USP34: variants seen among roughly 807,000 people sequenced by gnomAD.
USP34 encodes ubiquitin specific peptidase 34.
A neutral mutation model predicts 460.3 loss-of-function variants in USP34; 70 were observed. The observed-to-expected ratio is 0.15, with a 90% CI of 0.13 to 0.19. USP34 has a LOEUF of 0.19. USP34 is among the 10% of genes least tolerant of loss of function. The pLI is 1.00. For missense variants in USP34, 3,985 were observed against 4,236.2 expected (o/e 0.94, Z 1.65); for synonymous variants, 1,647 against 1,405.3 (o/e 1.17, Z -3.85).
intron 1 of USP34, among the ~76,000 whole-genome samples, chr2:61,456,817 C>G (rs1695454499): frequency 2.0e-5 from 3 of 150,866 alleles, no homozygotes. Context: ...ATAAAAAACA[C>G]CAAAACGAAA....
rs1021020111 is a variant in USP34 at position 61,471,048 on chromosome 2, C to G, written c.-356G>C. ...TTCACCGACCAGACGCCGCGGCCAC[C>G]GCCGACGCCGCCGCCATTTTAACAG... On this transcript the variant is annotated 5_prime_UTR_variant, in exon 1 of 80. Transcript: ENST00000398571. 1.3e-4 allele frequency: 30 copies of G among 232,746 alleles called. 1 individual carries two copies. The highest frequency in any genetic ancestry group is 2.1e-4 in the Non-Finnish European group (25 of 119,160). The allele number at this position is 232,746 out of a possible 1,614,324, so 14.4% of individuals were successfully genotyped here.
At chr2:61,293,305 CTAAT>C (rs1289862508) in intron 33 of USP34, among the ~76,000 whole-genome samples, 155 bp downstream of exon 33, 33 of 151,968 alleles carry the variant, frequency 2.2e-4, no homozygotes, top group African/African-American at 7.3e-4. Flanking sequence ...ACACTTATTC[CTAAT>C]TAGTTTATCA....
intron 1 of USP34, among the ~76,000 whole-genome samples, chr2:61,467,949 C>T (rs947015540): frequency 1.3e-4 from 19 of 151,902 alleles, no homozygotes; most frequent in African/African-American, 4.1e-4. Context: ...TCTAAATCAA[C>T]GTTGAACTGA....
At chr2:61,335,147 G>A (rs1490295763) in intron 18 of USP34, among the ~76,000 whole-genome samples, 2 of 152,010 alleles carry the variant, frequency 1.3e-5, no homozygotes, top group Non-Finnish European at 2.9e-5. Context: ...ATTTTGGCCT[G>A]GTGATAATAA....
At chr2:61,421,243 C>A (rs1174228023) in intron 1 of USP34, among the ~76,000 whole-genome samples, 10 of 152,180 alleles carry the variant, frequency 6.6e-5, no homozygotes, top group Non-Finnish European at 1.2e-4. Flanking sequence ...TATCTGAAAG[C>A]AGCAGCACTG....
chr2:61,189,181 ATACCC>A, intron 78 of USP34, 112 bp from the exon 79 acceptor site: 1 of 1,168,950 alleles, frequency 8.6e-7, no homozygotes, highest in Non-Finnish European at 1.2e-6. Flanking sequence ...TTTCCTAAGA[ATACCC>A]TGGTTTCTCT....
At chr2:61,232,553 A>G (rs1687937101) in intron 57 of USP34, 21 bp from the exon 58 acceptor site, 1 of 1,579,666 alleles carries the variant, frequency 6.3e-7, no homozygotes, top group Non-Finnish European at 8.6e-7. Context: ...AAAATACAGC[A>G]TGACTTTAAC....
At chr2:61,323,969 G>T (rs1406961360) in intron 21 of USP34, among the ~76,000 whole-genome samples, 2 of 152,002 alleles carry the variant, frequency 1.3e-5, no homozygotes, top group East Asian at 3.9e-4. Flanking sequence ...AAAGAAAAAA[G>T]AAACAGACTT....
At chr2:61,236,473 T>C in intron 53 of USP34, 84 bp from the exon 54 acceptor site, 1 of 1,071,172 alleles carries the variant, frequency 9.3e-7, no homozygotes, top group Admixed American at 3.0e-5. Context: ...AAAAAGTCTC[T>C]TCTAAAAAAC....
intron 27 of USP34, among the ~76,000 whole-genome samples, chr2:61,303,691 G>A (rs545030766): frequency 1.3e-5 from 2 of 151,820 alleles, no homozygotes; most frequent in Admixed American, 1.3e-4. Context: ...CCGCCTCCTG[G>A]GTTCACGCCA....
intron 43 of USP34, among the ~76,000 whole-genome samples, chr2:61,263,417 G>A (rs1452499771): frequency 6.6e-5 from 10 of 151,582 alleles, no homozygotes; most frequent in Non-Finnish European, 5.9e-5. Flanking sequence ...CTGACCTCAG[G>A]TGATCCGCCC....
intron 8 of USP34, among the ~76,000 whole-genome samples, chr2:61,371,624 G>C (rs979123856): frequency 3.9e-5 from 6 of 151,994 alleles, no homozygotes; most frequent in Non-Finnish European, 8.8e-5. Flanking sequence ...ATTTAATAGT[G>C]AAGAAAAAAA....
intron 75 of USP34, among the ~76,000 whole-genome samples, chr2:61,202,517 C>G (rs1029432625): frequency 1.3e-5 from 2 of 152,182 alleles, no homozygotes; most frequent in Admixed American, 1.3e-4. Flanking sequence ...GAGCAGTTCT[C>G]TAACAGCTCT....
chr2:61,200,208 C>G (rs1229807747), intron 75 of USP34: 1 of 152,328 alleles, frequency 6.6e-6, no homozygotes, highest in African/African-American at 2.4e-5. Context: ...TGTGACACCA[C>G]ATGTGGCTAA....
At chr2:61,404,994 G>A (rs992666656) in intron 3 of USP34, among the ~76,000 whole-genome samples, 42 of 151,976 alleles carry the variant, frequency 2.8e-4, no homozygotes, top group African/African-American at 7.0e-4. Flanking sequence ...TTGGGAGGCC[G>A]AGGTGGGCAG....
At position 61,295,025 on chromosome 2, in the gene USP34, T is replaced by C; in HGVS notation, c.4385A>G (p.Tyr1462Cys). The change falls in exon 32 of 80, where the codon TAC (tyrosine) becomes TGC (cysteine). Residue 1462 changes from tyrosine (Y) to cysteine (C), a missense_variant. By Grantham distance (194) the Tyr-to-Cys change is radical. Transcript: ENST00000398571. ...ATCTGAATCTGGATAAAGATCACTG[T>C]AACTTCCCTATGAGAAAGGCAAAAA... ...RRIRRESTGS[Y>C]SDLYPDSDDS... 2 of 1,611,154 alleles carry C rather than the reference T, an allele frequency of 1.2e-6. No homozygotes were observed. The highest frequency in any genetic ancestry group is 1.7e-6 in the Non-Finnish European group (2 of 1,179,266).
At chr2:61,454,284 C>T (rs1032539568) in intron 1 of USP34, among the ~76,000 whole-genome samples, 24 of 152,192 alleles carry the variant, frequency 1.6e-4, no homozygotes, top group Admixed American at 1.4e-3. Context: ...TGCCATCATG[C>T]TCAGCTAGGT....
chr2:61,301,216 G>A (rs942539185), intron 28 of USP34, 56 bp from the exon 29 acceptor site: 57 of 1,542,746 alleles, frequency 3.7e-5, no homozygotes, highest in South Asian at 3.4e-4. Flanking sequence ...TTAATAAAAC[G>A]GTAAATCTGA....
intron 48 of USP34, 43 bp downstream of exon 48, chr2:61,256,341 T>C (rs1465646121): frequency 6.5e-7 from 1 of 1,529,604 alleles, no homozygotes; most frequent in Non-Finnish European, 9.0e-7. Flanking sequence ...TGTCTTTCAC[T>C]TCTACGGTGA....
Sources: allele counts gnomAD v4.1 joint callset (sites outside exome capture counted in the v4.1 genomes callset), GRCh38; gene constraint gnomAD v4.1.1; transcripts MANE v1.5; gene names NCBI Gene and HGNC (gene_info 2026-07-23, HGNC 2026-07-21).